The following FARS2 variants were observed in gnomAD, a reference collection of about 807,000 sequenced individuals.
The protein encoded by FARS2 is phenylalanine--tRNA ligase, mitochondrial.
Under a neutral mutation model 46.4 loss-of-function variants are expected in FARS2, and 40 were observed. The observed-to-expected ratio is 0.86, with a 90% CI of 0.67 to 1.12. The LOEUF (loss-of-function observed/expected upper bound fraction) is 1.12, where lower values mean the gene tolerates loss of function less well. Among genes scored for constraint, FARS2 ranks in the 50% most tolerant of loss-of-function variants. The pLI is 0.00. For missense variants in FARS2, 513 were observed against 567.9 expected (o/e 0.90, Z 0.98); for synonymous variants, 234 against 214.9 (o/e 1.09, Z -0.78).
intron 6 of FARS2, among the ~76,000 whole-genome samples, chr6:5,760,760 A>G (rs535212777): frequency 2.8e-4 from 42 of 152,348 alleles, no homozygotes; most frequent in African/African-American, 9.4e-4. Context: ...CTCCGCAGAA[A>G]GGGCTTTTCC....
At chr6:5,366,188 C>G (rs1758663611) in intron 1 of FARS2, among the ~76,000 whole-genome samples, 1 of 152,172 alleles carries the variant, frequency 6.6e-6, no homozygotes, top group African/African-American at 2.4e-5. Flanking sequence ...TGAATTTATG[C>G]TAGTTACGTG....
intron 4 of FARS2, among the ~76,000 whole-genome samples, chr6:5,444,792 G>A (rs111429009): frequency 2.0e-5 from 3 of 148,688 alleles, no homozygotes; most frequent in African/African-American, 7.4e-5. Flanking sequence ...GGGCGGGGGG[G>A]AACTGACCTA....
At chr6:5,454,953 A>G (rs1764752874) in intron 4 of FARS2, among the ~76,000 whole-genome samples, 1 of 152,218 alleles carries the variant, frequency 6.6e-6, no homozygotes, top group Non-Finnish European at 1.5e-5. Flanking sequence ...TCACCACTGT[A>G]GTAAACCAAT....
intron 6 of FARS2, among the ~76,000 whole-genome samples, chr6:5,632,379 G>A (rs930661045): frequency 6.6e-6 from 1 of 152,126 alleles, no homozygotes; most frequent in African/African-American, 2.4e-5. Context: ...GATGGGAAGA[G>A]TGTTCTTTTT....
At chr6:5,606,693 C>T (rs1339118173) in intron 5 of FARS2, among the ~76,000 whole-genome samples, 1 of 152,074 alleles carries the variant, frequency 6.6e-6, no homozygotes, top group Non-Finnish European at 1.5e-5. Context: ...ACAGAGGTGG[C>T]GTGAGTTCTC....
intron 5 of FARS2, among the ~76,000 whole-genome samples, chr6:5,578,494 A>G (rs1561726871): frequency 6.6e-6 from 1 of 152,094 alleles, no homozygotes; most frequent in Non-Finnish European, 1.5e-5. Context: ...CGTTATTTTC[A>G]AATAAAAAGA....
intron 6 of FARS2, among the ~76,000 whole-genome samples, chr6:5,692,278 C>T (rs1413364332): frequency 2.0e-5 from 3 of 152,252 alleles, no homozygotes; most frequent in Non-Finnish European, 2.9e-5. Flanking sequence ...TTCTGCATCA[C>T]TCATGCTGGG....
chr6:5,706,585 C>G (rs1276133388), intron 6 of FARS2, among the ~76,000 whole-genome samples: 3 of 152,140 alleles, frequency 2.0e-5, no homozygotes, highest in Admixed American at 1.3e-4. Flanking sequence ...TTCTTTTAAA[C>G]TCGTGGCTAC....
At chr6:5,580,072 A>G (rs1322520132) in intron 5 of FARS2, among the ~76,000 whole-genome samples, 1 of 151,964 alleles carries the variant, frequency 6.6e-6, no homozygotes, top group Non-Finnish European at 1.5e-5. Context: ...CAGGCGGATC[A>G]TGAGGTCAAG....
rs75200124 is a variant in FARS2, at chr6:5,771,224, C to A, written c.1218-67C>A. 13,718 of 1,597,016 alleles carry A rather than the reference C, an allele frequency of 8.6e-3. 330 individuals carry two copies. In the East Asian group the frequency reaches 0.086, roughly 10 times the overall value. ...GTTGGGGAGATCTGGCCAGGGCAAG[C>A]CACACTGCTCCTTCAGGCACAGCCT... On this transcript the variant is annotated intron_variant, in intron 6 of 6. Coordinates refer to ENST00000274680, the MANE Select transcript of FARS2 (RefSeq NM_006567.5).
Position 5,764,679 on chromosome 6 carries a change from T to C in FARS2, c.1218-6612T>C, listed in dbSNP as rs1762659409. 1.3e-5 allele frequency among the ~76,000 whole-genome samples: 2 copies of C among 152,172 alleles called. No homozygotes were observed. Among genetic ancestry groups the C allele is most frequent in the African/African-American group, 4.8e-5 (2 of 41,432 alleles). On this transcript the variant is annotated intron_variant, in intron 6 of 6. Coordinates refer to ENST00000274680, the MANE Select transcript of FARS2 (RefSeq NM_006567.5). This position sits in a 1 kb window ranked among gnomAD's most constrained non-coding sequence, Gnocchi z 4.1. ...GTGTTGAGCGCACCATCCAAGAACA[T>C]GAAGTCGCTGCTCTGTCACAGATGG...
At chr6:5,318,833 A>C (rs188436979) in intron 1 of FARS2, among the ~76,000 whole-genome samples, 6 of 152,244 alleles carry the variant, frequency 3.9e-5, no homozygotes, top group African/African-American at 1.2e-4. Flanking sequence ...AATCAGAGGT[A>C]CTTTCATTTC....
chr6:5,440,919 C>CT (rs56965644), intron 4 of FARS2, among the ~76,000 whole-genome samples: 60,600 of 144,406 alleles, frequency 0.42, 12,696 homozygotes, highest in Non-Finnish European at 0.46. Context: ...CATTTTCTTT[C>CT]TTTTTTTTTT....
chr6:5,539,527 C>T lies in FARS2; in HGVS notation c.905-5653C>T, dbSNP rs150101947. Among the ~76,000 whole-genome samples, 656 of 151,736 alleles carry T rather than the reference C, an allele frequency of 4.3e-3. 1 individual carries two copies. The highest frequency in any genetic ancestry group is 0.014 in the African/African-American group (579 of 41,298). ...GATTACAGGTGTGAGCTACCGCACT[C>T]GGCCAACCATTTCTACATTTCTAAT... On this transcript the variant is annotated intron_variant, in intron 4 of 6. Transcript: ENST00000274680.
chr6:5,593,305 G>A (rs1212091838), intron 5 of FARS2, among the ~76,000 whole-genome samples: 1 of 138,272 alleles, frequency 7.2e-6, no homozygotes, highest in African/African-American at 3.1e-5. Flanking sequence ...CGCCCCCACC[G>A]GCCTCTGCTG....
intron 1 of FARS2, among the ~76,000 whole-genome samples, chr6:5,317,520 C>A (rs1769618697): frequency 6.6e-6 from 1 of 152,146 alleles, no homozygotes; most frequent in Non-Finnish European, 1.5e-5. Context: ...GTGGTTCATG[C>A]CTGTAATCCC....
At chr6:5,465,756 A>G (rs1765478242) in intron 4 of FARS2, among the ~76,000 whole-genome samples, 1 of 152,182 alleles carries the variant, frequency 6.6e-6, no homozygotes, top group African/African-American at 2.4e-5. Context: ...TGGAGGCATT[A>G]AAAGTCCATT....
Position 5,430,089 on chromosome 6 carries a change from T to C in FARS2, c.773-952T>C, listed in dbSNP as rs1763076570. ...GTTTGGGGTGAGAACATATGGTATT[T>C]TAAATTCACAAGAGGGCATGTTCAT... On this transcript the variant is annotated intron_variant, in intron 3 of 6. Transcript: ENST00000274680. Among the ~76,000 whole-genome samples, 2 of 152,118 alleles carry C rather than the reference T, an allele frequency of 1.3e-5. 1 individual carries two copies. Among genetic ancestry groups the C allele is most frequent in the Non-Finnish European group, 2.9e-5 (2 of 68,006 alleles).
At chr6:5,728,818 C>T (rs906692948) in intron 6 of FARS2, among the ~76,000 whole-genome samples, 2 of 152,188 alleles carry the variant, frequency 1.3e-5, no homozygotes, top group African/African-American at 4.8e-5. Flanking sequence ...GTGAAACTTT[C>T]CTCTCTCAGC....
Sources: allele counts gnomAD v4.1 joint callset (sites outside exome capture counted in the v4.1 genomes callset), GRCh38; gene constraint gnomAD v4.1.1; non-coding constraint Gnocchi (gnomAD v3.1); transcripts MANE v1.5; gene names NCBI Gene and HGNC (gene_info 2026-07-23, HGNC 2026-07-21).